CAMKK2: variants seen among roughly 807,000 people sequenced by gnomAD.
CAMKK2 encodes calcium/calmodulin dependent protein kinase kinase 2, also known as calcium/calmodulin-dependent protein kinase kinase 2.
A neutral mutation model predicts 67.2 loss-of-function variants in CAMKK2; 30 were observed. That is an observed-to-expected ratio of 0.45 (90% CI 0.33 to 0.61). CAMKK2 has a LOEUF of 0.61. Among genes scored for constraint, CAMKK2 ranks in the 20% least tolerant of loss-of-function variants. CAMKK2 has a pLI of 0.02. For missense variants in CAMKK2, 643 were observed against 802.0 expected (o/e 0.80, Z 2.39); for synonymous variants, 322 against 326.2 (o/e 0.99, Z 0.14).
intron 16 of CAMKK2, among the ~76,000 whole-genome samples, chr12:121,243,248 G>A (rs533185145): frequency 6.6e-6 from 1 of 151,026 alleles, no homozygotes; most frequent in East Asian, 1.9e-4. Flanking sequence ...GGCCAGGCTG[G>A]TCTCAAACTC....
chr12:121,247,255 T>C (rs1566038793), intron 14 of CAMKK2, among the ~76,000 whole-genome samples: 1 of 152,008 alleles, frequency 6.6e-6, no homozygotes, highest in Non-Finnish European at 1.5e-5. Context: ...TGTACATACA[T>C]TTGTTGGTTT....
intron 11 of CAMKK2, among the ~76,000 whole-genome samples, chr12:121,250,486 C>T (rs1457167429): frequency 6.6e-6 from 1 of 152,166 alleles, no homozygotes. Context: ...GTTCCCCGTC[C>T]CTGGAATGTT....
intron 7 of CAMKK2, among the ~76,000 whole-genome samples, chr12:121,259,252 C>T (rs1892965729): frequency 6.6e-6 from 1 of 152,170 alleles, no homozygotes; most frequent in Non-Finnish European, 1.5e-5. Context: ...TTCTCCATCC[C>T]CCAACCCAAA....
chr12:121,252,823 C>A, intron 10 of CAMKK2, 109 bp from the exon 11 acceptor site: 2 of 1,073,734 alleles, frequency 1.9e-6, no homozygotes, highest in South Asian at 1.4e-5. Context: ...GGAGTTGGGG[C>A]GGGACCAATC....
chr12:121,248,694 G>A lies in CAMKK2; in HGVS notation c.1364C>T (p.Pro455Leu), dbSNP rs546491056. ...CAGCGTGCAGTTCTCATCCTCCGACGGCAACGGCTCCGCCCCATGCCTCGT... is the reference window on the plus strand; with the variant it reads ...CAGCGTGCAGTTCTCATCCTCCGACAGCAACGGCTCCGCCCCATGCCTCGT... ...WVTRHGAEPL[P>L]SEDENCTLVE... The change falls in exon 14 of 17, where the codon CCG becomes CTG. Residue 455 changes from proline (P) to leucine (L), a missense_variant. Pro to Leu is a moderately conservative substitution (Grantham distance 98). This residue lies in a region of CAMKK2 where 483 missense variants were observed against 625.8 expected (regional missense o/e 0.77). Coordinates refer to ENST00000404169, the MANE Select transcript of CAMKK2 (RefSeq NM_001270485.2). 6 of 1,614,176 alleles carry A rather than the reference G, an allele frequency of 3.7e-6. No individual in the cohort carries two copies. Among genetic ancestry groups the A allele is most frequent in the South Asian group, 1.1e-5 (1 of 91,086 alleles).
At chr12:121,258,372 G>A (rs897468839) in intron 7 of CAMKK2, among the ~76,000 whole-genome samples, 6 of 151,402 alleles carry the variant, frequency 4.0e-5, no homozygotes, top group African/African-American at 1.2e-4. Context: ...TTACTCTGTC[G>A]CCCAGGCTAG....
In CAMKK2 at chr12:121,240,654, C is replaced by T. The variant is rs192867478; in HGVS notation, c.*45G>A. The T allele has an allele frequency of 1.4e-5, 21 of 1,549,462 alleles. No individual in the cohort carries two copies. The African/African-American group carries it at 2.7e-4, about 20-fold the overall frequency. On this transcript the variant is annotated 3_prime_UTR_variant, in exon 17 of 17. Transcript: ENST00000404169. This position sits in a 1 kb window ranked among gnomAD's most constrained non-coding sequence, Gnocchi z 4.4. ...TATGGAAACGCGGTGCAGCAGCCCC[C>T]CAGAGGCGACGCGGCGCGCATGCGA...
chr12:121,262,063 G>A (rs1392740304), intron 6 of CAMKK2, among the ~76,000 whole-genome samples: 2 of 152,208 alleles, frequency 1.3e-5, no homozygotes, highest in Non-Finnish European at 2.9e-5. Context: ...CTAGTCTACA[G>A]GGTTTTCCAG....
intron 5 of CAMKK2, among the ~76,000 whole-genome samples, chr12:121,267,748 C>T (rs896643441): frequency 2.0e-5 from 3 of 152,002 alleles, no homozygotes; most frequent in Non-Finnish European, 4.4e-5. Flanking sequence ...CTCGCCTCGG[C>T]CTCCCAGAGT....
At chr12:121,289,078 C>T (rs1593511020) in intron 1 of CAMKK2, among the ~76,000 whole-genome samples, 1 of 152,102 alleles carries the variant, frequency 6.6e-6, no homozygotes, top group African/African-American at 2.4e-5. Context: ...CCCCACCCCA[C>T]CCCAACCAAA....
chr12:121,240,742 C>A lies in CAMKK2; in HGVS notation c.1724G>T (p.Arg575Leu). 6.2e-7 allele frequency: 1 copy of A among 1,608,334 alleles called. No homozygotes were observed. Among genetic ancestry groups the A allele is most frequent in the South Asian group, 1.1e-5 (1 of 90,742 alleles). ...CWAPAPGSPA[R>L]MHPLRPEEAM... ...CTCCTCCGGCCGCAGTGGATGCATG[C>A]GTGCGGGGGAGCCGGGGGCGGGGGC... The change falls in exon 17 of 17, where the codon CGC becomes CTC. Residue 575 changes from arginine (R) to leucine (L), a missense_variant. Around this residue, in one of 3 missense-constraint regions of CAMKK2, gnomAD observed 140 missense variants for 124.2 expected, o/e 1.13. Transcript: ENST00000404169. This position sits in a 1 kb window ranked among gnomAD's most constrained non-coding sequence, Gnocchi z 4.4.
intron 7 of CAMKK2, among the ~76,000 whole-genome samples, chr12:121,257,603 G>A (rs1262403893): frequency 1.3e-5 from 2 of 151,664 alleles, no homozygotes; most frequent in African/African-American, 4.9e-5. Context: ...AGGGGAACAG[G>A]GAAGCTACTC....
intron 1 of CAMKK2, among the ~76,000 whole-genome samples, chr12:121,282,912 G>T (rs1898066033): frequency 6.6e-6 from 1 of 152,006 alleles, no homozygotes; most frequent in African/African-American, 2.4e-5. Context: ...CCACCACCAT[G>T]CCCGGCTAAT....
chr12:121,276,818 G>GGAGGTTGCAGTGAGCT (rs1313133163), intron 1 of CAMKK2, among the ~76,000 whole-genome samples: 1 of 148,950 alleles, frequency 6.7e-6, no homozygotes, highest in African/African-American at 2.5e-5. Flanking sequence ...CCTGGGAGGC[G>GGAGGTTGCAGTGAGCT]GAGGTTGCAG....
At chr12:121,268,426 G>A (rs954157295) in intron 5 of CAMKK2, among the ~76,000 whole-genome samples, 2 of 151,906 alleles carry the variant, frequency 1.3e-5, no homozygotes, top group African/African-American at 4.8e-5. Flanking sequence ...ACAGAGTCTT[G>A]CTCTGTCACC....
At position 121,245,363 on chromosome 12, in the gene CAMKK2, G is replaced by C; in HGVS notation, c.1453-123C>G. On this transcript the variant is annotated intron_variant, in intron 14 of 16. Transcript: ENST00000404169. The surrounding 1 kb of genome is among the most constrained non-coding windows in gnomAD (Gnocchi z 5.8). The stretch of plus-strand genomic sequence containing the variant: ...CAGCTCCCAGGGCTGGTGACCGATG[G>C]CAGACTTTGAGAGAAACTGGGCAGC... 1 of 666,898 alleles carries C rather than the reference G, an allele frequency of 1.5e-6. No individual in the cohort carries two copies. Among genetic ancestry groups the C allele is most frequent in the Non-Finnish European group, 2.7e-6 (1 of 367,396 alleles). 41.3% of individuals were successfully genotyped at this position (666,898 alleles called of 1,614,324 possible).
In CAMKK2 at chr12:121,253,478, G is replaced by A. The variant is rs376960960; in HGVS notation, c.908-6C>T. The A allele has an allele frequency of 6.2e-7, 1 of 1,614,000 alleles. No individual in the cohort carries two copies. The highest frequency in any genetic ancestry group is 8.5e-7 in the Non-Finnish European group (1 of 1,179,890). ...GATGATCTTCTGGTAGTGTACTGGG[G>A]AGGCGTAGACAGCAGGTGGGAGATA... On this transcript the variant is annotated splice_polypyrimidine_tract_variant and splice_region_variant and intron_variant, in intron 9 of 16. Transcript: ENST00000404169. This position sits in a 1 kb window ranked among gnomAD's most constrained non-coding sequence, Gnocchi z 5.0.
intron 2 of CAMKK2, among the ~76,000 whole-genome samples, chr12:121,273,837 ACCC>A (rs1439783809): frequency 8.6e-5 from 13 of 151,772 alleles, no homozygotes; most frequent in African/African-American, 2.9e-4. Context: ...TCCATGACCC[ACCC>A]TTTGCTGACT....
At chr12:121,292,022 C>T (rs1900122606) in intron 1 of CAMKK2, among the ~76,000 whole-genome samples, 1 of 151,844 alleles carries the variant, frequency 6.6e-6, no homozygotes, top group Non-Finnish European at 1.5e-5. Flanking sequence ...CGCCACTGCA[C>T]TCCAGCCTGG....
Sources: allele counts gnomAD v4.1 joint callset (sites outside exome capture counted in the v4.1 genomes callset), GRCh38; gene constraint gnomAD v4.1.1; regional missense constraint gnomAD v4.1.1; non-coding constraint Gnocchi (gnomAD v3.1); transcripts MANE v1.5; gene names NCBI Gene and HGNC (gene_info 2026-07-23, HGNC 2026-07-21).